Variants in SEPTIN10 observed in about 807,000 individuals in gnomAD.
SEPTIN10 encodes septin 10, also known as septin-10.
A neutral mutation model predicts 54.8 loss-of-function variants in SEPTIN10; 66 were observed. That is an observed-to-expected ratio of 1.21 (90% CI 0.99 to 1.48). SEPTIN10 has a LOEUF of 1.48. SEPTIN10 is among the 40% of genes most tolerant of loss of function. SEPTIN10 has a pLI of 0.00. For missense variants in SEPTIN10, 620 were observed against 545.6 expected (o/e 1.14, Z -1.36); for synonymous variants, 161 against 181.0 (o/e 0.89, Z 0.89).
At position 109,543,895 on chromosome 2, in the gene SEPTIN10, T is replaced by C. The variant is rs145530743; in HGVS notation, c.*414A>G. On this transcript the variant is annotated 3_prime_UTR_variant, in exon 11 of 11. Transcript: ENST00000397712. Reference sequence around the variant, plus strand: ...GCATATACACAACGGGACCCGACTCTAATTACATAATTCATGTTTCACATC... The same window carrying C: ...GCATATACACAACGGGACCCGACTCCAATTACATAATTCATGTTTCACATC... 100 of 431,626 alleles carry C rather than the reference T, an allele frequency of 2.3e-4. No homozygotes were observed. Among genetic ancestry groups the C allele is most frequent in the African/African-American group, 1.9e-3 (93 of 49,128 alleles). 26.7% of individuals were successfully genotyped at this position (431,626 alleles called of 1,614,324 possible). A position where few individuals can be genotyped will look rare whatever the true frequency, so the allele number is the denominator to read the frequency against.
chr2:109,602,339 T>C (rs866416852), intron 1 of SEPTIN10, among the ~76,000 whole-genome samples: 140 of 152,270 alleles, frequency 9.2e-4, no homozygotes, highest in African/African-American at 3.3e-3. Flanking sequence ...TGCATCTTAT[T>C]GATGTGAAAA....
At chr2:109,560,122 G>A (rs933973118) in intron 8 of SEPTIN10, among the ~76,000 whole-genome samples, 1 of 151,878 alleles carries the variant, frequency 6.6e-6, no homozygotes, top group Non-Finnish European at 1.5e-5. Context: ...GGGTTTCACC[G>A]TGTTAGCCAG....
chr2:109,568,034 G>C (rs1226903086), intron 5 of SEPTIN10, 58 bp from the exon 6 acceptor site: 1 of 1,350,002 alleles, frequency 7.4e-7, no homozygotes, highest in African/African-American at 1.5e-5. Context: ...TAATCCTGCA[G>C]CTGTTTTTTC....
intron 8 of SEPTIN10, among the ~76,000 whole-genome samples, chr2:109,555,913 A>C (rs1304462915): frequency 6.6e-6 from 1 of 152,004 alleles, no homozygotes; most frequent in Non-Finnish European, 1.5e-5. Context: ...TGACTGCCAA[A>C]CTCCCCAGTT....
intron 1 of SEPTIN10, among the ~76,000 whole-genome samples, chr2:109,601,424 T>C (rs925059815): frequency 4.6e-5 from 7 of 152,244 alleles, no homozygotes; most frequent in African/African-American, 7.2e-5. Context: ...GTACAGGGTA[T>C]TAACAATTTT....
chr2:109,567,626 T>C (rs568479649), intron 6 of SEPTIN10, among the ~76,000 whole-genome samples, 189 bp downstream of exon 6: 1 of 152,318 alleles, frequency 6.6e-6, no homozygotes, highest in African/African-American at 2.4e-5. Flanking sequence ...TGCTTAAAAA[T>C]AAATTCTCCT....
intron 8 of SEPTIN10, among the ~76,000 whole-genome samples, chr2:109,554,666 T>G (rs575858779): frequency 1.2e-3 from 179 of 152,322 alleles, no homozygotes; most frequent in African/African-American, 4.3e-3. Context: ...GGAATCAATT[T>G]TTTTTCTTAT....
chr2:109,557,892 G>A (rs933348649), intron 8 of SEPTIN10, among the ~76,000 whole-genome samples: 1 of 148,088 alleles, frequency 6.8e-6, no homozygotes, highest in Admixed American at 6.9e-5. Context: ...TGTCATCCAG[G>A]CTGGATCATC....
intron 1 of SEPTIN10, among the ~76,000 whole-genome samples, chr2:109,598,181 G>A (rs1264920308): frequency 6.6e-6 from 1 of 151,958 alleles, no homozygotes; most frequent in Non-Finnish European, 1.5e-5. Context: ...GTCTGCCTCA[G>A]CCTCCCAAGT....
At chr2:109,571,557 A>T (rs538020701) in intron 5 of SEPTIN10, among the ~76,000 whole-genome samples, 1 of 152,348 alleles carries the variant, frequency 6.6e-6, no homozygotes, top group East Asian at 1.9e-4. Context: ...ACATATCTAA[A>T]CACAGAAACA....
At chr2:109,566,742 G>C (rs1056760173) in intron 6 of SEPTIN10, among the ~76,000 whole-genome samples, 1 of 152,156 alleles carries the variant, frequency 6.6e-6, no homozygotes, top group African/African-American at 2.4e-5. Context: ...AGCAAAGTGG[G>C]AAGAAATGGC....
chr2:109,576,196 A>G (rs531038196), intron 4 of SEPTIN10, among the ~76,000 whole-genome samples: 2 of 152,286 alleles, frequency 1.3e-5, no homozygotes, highest in South Asian at 4.1e-4. Flanking sequence ...AGAAATTCAA[A>G]GCTGCAGTGA....
Position 109,574,693 on chromosome 2 carries a change from G to C in SEPTIN10, c.488C>G (p.Ser163Cys). The C allele has an allele frequency of 6.2e-7, 1 of 1,609,274 alleles. No individual in the cohort carries two copies. The highest frequency in any genetic ancestry group is 8.5e-7 in the Non-Finnish European group (1 of 1,177,770). The stretch of plus-strand genomic sequence containing the variant: ...GCGAGAATCATGGTAGGTAAAGAGA[G>C]AACGCTTAATCTTCAGTTCTTCTTG... Reference protein sequence around the residue: ...YLQEELKIKRSLFTYHDSRIH... With the variant: ...YLQEELKIKRCLFTYHDSRIH... Residue 163 changes from serine to cysteine, a missense_variant, in exon 5 of 11, where the codon TCT (serine) becomes TGT (cysteine). Coordinates refer to ENST00000397712, the MANE Select transcript of SEPTIN10 (RefSeq NM_144710.5).
At chr2:109,600,767 C>T (rs1043813600) in intron 1 of SEPTIN10, among the ~76,000 whole-genome samples, 11 of 152,216 alleles carry the variant, frequency 7.2e-5, no homozygotes, top group African/African-American at 2.2e-4. Flanking sequence ...TCCCACTCCA[C>T]CTCTGCTCAT....
intron 10 of SEPTIN10, chr2:109,545,765 T>C (rs1681048163): frequency 3.5e-6 from 5 of 1,426,726 alleles, no homozygotes; most frequent in Admixed American, 5.8e-5. Flanking sequence ...GCAGCCATTT[T>C]CCCCCAGCTA....
In SEPTIN10 at chr2:109,564,598, T is replaced by C. The variant is rs146852580; in HGVS notation, c.860-64A>G. On this transcript the variant is annotated intron_variant, in intron 7 of 10. Coordinates refer to ENST00000397712, the MANE Select transcript of SEPTIN10 (RefSeq NM_144710.5). ...TTAATTCCTGGCACACAACTAAGTG[T>C]TTGCTGAATGAACAAATAAATGAAA... 2.1e-5 allele frequency: 28 copies of C among 1,337,256 alleles called. No individual in the cohort carries two copies. In the East Asian group the frequency reaches 6.2e-4, roughly 29 times the overall value. 82.8% of individuals were successfully genotyped at this position (1,337,256 alleles called of 1,614,324 possible).
chr2:109,546,309 A>G, intron 9 of SEPTIN10, 72 bp from the exon 10 acceptor site: 1 of 963,356 alleles, frequency 1.0e-6, no homozygotes, highest in South Asian at 2.0e-5. Context: ...GCTCAGCAAC[A>G]CAAAGGCGGA....
rs1681142433 is a variant in SEPTIN10, at chr2:109,546,049, C to A, written c.1349+1G>T. On this transcript the variant is annotated splice_donor_variant, in intron 10 of 10. Transcript: ENST00000397712. LOFTEE classifies it high-confidence loss of function. ...CCAGGGAGGGTGGCTGGGCCTCTTA[C>A]TTCTTACGGTCCTTGTCCTTCCTCA... 6.4e-7 allele frequency: 1 copy of A among 1,567,030 alleles called. No individual in the cohort carries two copies. The highest frequency in any genetic ancestry group is 1.4e-5 in the African/African-American group (1 of 71,786).
chr2:109,574,310 G>A (rs4953729), intron 5 of SEPTIN10, among the ~76,000 whole-genome samples: 20,380 of 151,468 alleles, frequency 0.13, 1,856 homozygotes, highest in African/African-American at 0.26. Flanking sequence ...GCTGGGTGTG[G>A]TAGTACATGC....
Sources: allele counts gnomAD v4.1 joint callset (sites outside exome capture counted in the v4.1 genomes callset), GRCh38; gene constraint gnomAD v4.1.1; transcripts MANE v1.5; gene names NCBI Gene and HGNC (gene_info 2026-07-23, HGNC 2026-07-21).